MCF2: variants seen among roughly 807,000 people sequenced by gnomAD.
The protein encoded by MCF2 is proto-oncogene DBL.
A neutral mutation model predicts 82.5 loss-of-function variants in MCF2; 44 were observed. That is an observed-to-expected ratio of 0.53 (90% confidence interval 0.42 to 0.69). The LOEUF is 0.69. Among genes scored for constraint, MCF2 ranks in the 30% least tolerant of loss-of-function variants. MCF2 has a pLI of 0.00. For synonymous variants in MCF2, 217 were observed against 224.9 expected (o/e 0.96, Z 0.32); for missense variants, 623 against 663.1 (o/e 0.94, Z 0.66).
chrX:139,588,765 A>AC (rs1929221032), intron 20 of MCF2, among the ~76,000 whole-genome samples: 5 of 106,255 alleles, frequency 4.7e-5, no homozygotes, highest in Middle Eastern at 9.7e-3. Context: ...ACTACTACTA[A>AC]TAATAATAAT....
At chrX:139,693,123 G>C (rs1569404631) in intron 1 of MCF2, among the ~76,000 whole-genome samples, 1 of 111,438 alleles carries the variant, frequency 9.0e-6, no homozygotes, top group Non-Finnish European at 1.9e-5. Flanking sequence ...ATGGAGCTCC[G>C]CAGTGCCTGG....
intron 2 of MCF2, among the ~76,000 whole-genome samples, chrX:139,650,735 T>C (rs540539570): frequency 8.9e-5 from 10 of 112,253 alleles, no homozygotes; most frequent in African/African-American, 2.9e-4. Flanking sequence ...AAATGGGTAA[T>C]GCTATTTAGC....
chrX:139,586,091 C>T (rs773523484), intron 23 of MCF2, among the ~76,000 whole-genome samples: 1 of 111,180 alleles, frequency 9.0e-6, no homozygotes. Flanking sequence ...GGCCTTGTTC[C>T]CAGAGTTTCT....
At chrX:139,591,204 A>G (rs949468600) in intron 19 of MCF2, among the ~76,000 whole-genome samples, 2 of 111,063 alleles carry the variant, frequency 1.8e-5, no homozygotes, top group Non-Finnish European at 3.8e-5. Context: ...ACTTTTCTAA[A>G]CTTCAGTTTC....
chrX:139,662,068 C>T (rs1442871352), intron 1 of MCF2, among the ~76,000 whole-genome samples: 3 of 111,729 alleles, frequency 2.7e-5, no homozygotes, highest in Non-Finnish European at 3.8e-5. Context: ...CAGACAGACA[C>T]ACAAAAGCTG....
chrX:139,673,976 C>T (rs1403787898), intron 1 of MCF2, among the ~76,000 whole-genome samples: 1 of 111,380 alleles, frequency 9.0e-6, no homozygotes, highest in Non-Finnish European at 1.9e-5. Context: ...TCTCTAAGGA[C>T]TTGCTTTATG....
intron 6 of MCF2, among the ~76,000 whole-genome samples, chrX:139,621,318 C>G (rs1932337523): frequency 9.0e-6 from 1 of 111,624 alleles, no homozygotes; most frequent in Non-Finnish European, 1.9e-5. Context: ...ATTTCAAAAG[C>G]AATTTCAACA....
chrX:139,586,249 C>T lies in MCF2; in HGVS notation c.2632+129G>A, dbSNP rs920188327. ...GTCCTGCATATGCAAGACATGAGAG[C>T]CTTATAAAAATGGGTTAACTGTATT... On this transcript the variant is annotated intron_variant, in intron 23 of 24. Coordinates refer to ENST00000370576, the Ensembl canonical transcript of MCF2. The T allele has an allele frequency of 5.9e-5, 28 of 476,054 alleles. No homozygotes were observed. The African/African-American group carries it at 6.2e-4, about 11-fold the overall frequency. 39.2% of individuals were successfully genotyped at this position (476,054 alleles called of 1,213,427 possible).
At chrX:139,682,416 A>C (rs1172501396) in intron 1 of MCF2, among the ~76,000 whole-genome samples, 1 of 112,625 alleles carries the variant, frequency 8.9e-6, no homozygotes, top group African/African-American at 3.2e-5. Context: ...TTATTCAGAA[A>C]TCCAAAACAT....
At chrX:139,699,556 C>G (rs934847881) in intron 1 of MCF2, among the ~76,000 whole-genome samples, 8 of 112,099 alleles carry the variant, frequency 7.1e-5, no homozygotes, top group African/African-American at 1.6e-4. Context: ...TTTTCTGTCT[C>G]AATGGATCTA....
chrX:139,702,750 A>G (rs1202900019), intron 1 of MCF2, among the ~76,000 whole-genome samples: 1 of 112,690 alleles, frequency 8.9e-6, no homozygotes, highest in Non-Finnish European at 1.9e-5. Flanking sequence ...AGGGAAGTGC[A>G]GAGCTGGCCC....
chrX:139,651,288 C>T (rs1463647538), intron 2 of MCF2, among the ~76,000 whole-genome samples: 1 of 110,193 alleles, frequency 9.1e-6, no homozygotes, highest in Non-Finnish European at 1.9e-5. Context: ...AAATGAAATC[C>T]TAAAAAAAAA....
intron 1 of MCF2, among the ~76,000 whole-genome samples, chrX:139,635,715 T>C (rs1015533670): frequency 1.8e-5 from 2 of 111,469 alleles, no homozygotes; most frequent in Non-Finnish European, 3.8e-5. Flanking sequence ...ATAATGAATA[T>C]AAAGGCACTT....
chrX:139,681,531 TTA>T (rs1934998405), intron 1 of MCF2, among the ~76,000 whole-genome samples: 1 of 112,623 alleles, frequency 8.9e-6, no homozygotes, highest in African/African-American at 3.2e-5. Context: ...TGATTTTATA[TTA>T]TATACTTTAC....
chrX:139,648,660 C>A (rs935440322), intron 2 of MCF2, among the ~76,000 whole-genome samples: 17 of 111,752 alleles, frequency 1.5e-4, no homozygotes, highest in Non-Finnish European at 2.3e-4. Context: ...ATGCTGCCCA[C>A]AAGAAACACA....
At chrX:139,636,138 C>T (rs1352267676) in intron 1 of MCF2, among the ~76,000 whole-genome samples, 1 of 111,190 alleles carries the variant, frequency 9.0e-6, no homozygotes, top group African/African-American at 3.3e-5. Flanking sequence ...GGGTAGAAAA[C>T]TTTAGGGATA....
intron 24 of MCF2, among the ~76,000 whole-genome samples, chrX:139,584,630 A>T (rs1203083024): frequency 8.9e-6 from 1 of 112,067 alleles, no homozygotes; most frequent in Admixed American, 9.5e-5. Flanking sequence ...AGAACACACT[A>T]AAATATATCC....
upstream of MCF2, among the ~76,000 whole-genome samples, chrX:139,645,052 G>A (rs1259812745): frequency 9.1e-6 from 1 of 110,472 alleles, no homozygotes; most frequent in Non-Finnish European, 1.9e-5. Context: ...TGGGAACCTG[G>A]GGACTAGATA....
chrX:139,670,881 T>C (rs997976397), intron 1 of MCF2, among the ~76,000 whole-genome samples: 4 of 112,052 alleles, frequency 3.6e-5, no homozygotes, highest in African/African-American at 9.8e-5. Context: ...GCTTGAGGAA[T>C]TGTGACACTG....
Sources: gnomAD v4.1 joint callset for allele counts (sites outside exome capture counted in the v4.1 genomes callset) on GRCh38, gnomAD v4.1.1 for gene constraint, MANE v1.5 for transcripts, NCBI Gene and HGNC (gene_info 2026-07-23, HGNC 2026-07-21) for gene names.